RNF111: variants seen among roughly 807,000 people sequenced by gnomAD.
RNF111 encodes ring finger protein 111.
RNF111 carries 17 observed loss-of-function variants against 95.1 expected under a neutral mutation model. The ratio of observed to expected loss-of-function variants is 0.18; its 90% CI spans 0.12 to 0.27. RNF111 has a LOEUF of 0.27. RNF111 is among the 10% of genes least tolerant of loss of function. RNF111 has a pLI of 1.00. For synonymous variants in RNF111, 440 were observed against 414.8 expected (o/e 1.06, Z -0.74); for missense variants, 1,189 against 1,210.4 (o/e 0.98, Z 0.26).
At chr15:59,018,301 C>G (rs576688273) in intron 1 of RNF111, among the ~76,000 whole-genome samples, 1 of 152,124 alleles carries the variant, frequency 6.6e-6, no homozygotes, top group Non-Finnish European at 1.5e-5. Flanking sequence ...ACTGCCATTT[C>G]TGAGTTTCTG....
At chr15:59,018,269 C>G (rs75022364) in intron 1 of RNF111, among the ~76,000 whole-genome samples, 1,772 of 152,228 alleles carry the variant, frequency 0.012, 28 homozygotes, top group African/African-American at 0.041. Context: ...TTTGACAATT[C>G]CATTCAAATC....
chr15:59,073,922 A>G (rs569873563), intron 6 of RNF111, among the ~76,000 whole-genome samples: 1 of 152,344 alleles, frequency 6.6e-6, no homozygotes, highest in South Asian at 2.1e-4. Flanking sequence ...ATGTTGTGTT[A>G]GGTATGAAAA....
At chr15:59,003,518 C>T (rs1168726506) in intron 1 of RNF111, among the ~76,000 whole-genome samples, 1 of 152,150 alleles carries the variant, frequency 6.6e-6, no homozygotes, top group Admixed American at 6.6e-5. Context: ...CCCACCTCAG[C>T]CTCTCCAGTA....
intron 5 of RNF111, among the ~76,000 whole-genome samples, chr15:59,064,998 A>G (rs1383770014): frequency 6.6e-6 from 1 of 151,918 alleles, no homozygotes; most frequent in Admixed American, 6.6e-5. Flanking sequence ...TTTTTATTTT[A>G]TTTGTAAACA....
In RNF111 at chr15:59,076,195, G is replaced by C. The variant is rs377361399; in HGVS notation, c.1928G>C (p.Arg643Pro). ...CCACAGCCCTCTCTCTCATCATGTC[G>C]ACATTACATGCCACCCCCTTGTAAG... ...PPPQPSLSSC[R>P]HYMPPPYASL... Residue 643 changes from arginine (R) to proline (P), a missense_variant, in exon 7 of 14, where the codon CGA becomes CCA. Physicochemically the swap from Arg to Pro is moderately radical, Grantham distance 103. Transcript: ENST00000348370. 47 of 1,613,094 alleles carry C rather than the reference G, an allele frequency of 2.9e-5. No individual in the cohort carries two copies. Among genetic ancestry groups the C allele is most frequent in the Non-Finnish European group, 4.0e-5 (47 of 1,179,982 alleles).
intron 2 of RNF111, among the ~76,000 whole-genome samples, chr15:59,041,959 A>ATTTTTTTT (rs775444330): frequency 9.2e-6 from 1 of 108,460 alleles, no homozygotes; most frequent in Non-Finnish European, 1.8e-5. Context: ...CAGTCTGTTC[A>ATTTTTTTT]TATTTTTTTT....
intron 2 of RNF111, among the ~76,000 whole-genome samples, chr15:59,047,250 C>T (rs1323736890): frequency 6.6e-6 from 1 of 152,196 alleles, no homozygotes; most frequent in African/African-American, 2.4e-5. Context: ...AATCCTAGCA[C>T]TTTGGGAGTC....
chr15:59,019,207 G>A (rs1000124563), intron 1 of RNF111, among the ~76,000 whole-genome samples: 3 of 150,782 alleles, frequency 2.0e-5, no homozygotes, highest in Non-Finnish European at 4.4e-5. Flanking sequence ...ACAAAGTGCT[G>A]GGATTACAGG....
chr15:59,038,742 G>C (rs1254905000), intron 2 of RNF111, among the ~76,000 whole-genome samples: 1 of 152,070 alleles, frequency 6.6e-6, no homozygotes, highest in Non-Finnish European at 1.5e-5. Flanking sequence ...TAAACTGGTA[G>C]GTAGTTGGGT....
Position 59,031,319 on chromosome 15 carries a change from C to G in RNF111, c.497C>G (p.Ser166Cys), listed in dbSNP as rs938653511. The change falls in exon 2 of 14, where the codon TCC becomes TGC. Residue 166 changes from serine to cysteine, a missense_variant. Physicochemically the swap from Ser to Cys is moderately radical, Grantham distance 112. Coordinates refer to ENST00000348370, the MANE Select transcript of RNF111 (RefSeq NM_017610.8). ...GATAAAGAAGTCTCTGTAAGACATT[C>G]CCAGACCATTTTGAATGCTAAAAGT... ...DEDKEVSVRH[S>C]QTILNAKSRS... is the part of the protein sequence containing the mutation. The G allele has an allele frequency of 6.2e-7, 1 of 1,614,016 alleles. No homozygotes were observed. The highest frequency in any genetic ancestry group is 8.5e-7 in the Non-Finnish European group (1 of 1,180,010).
intron 5 of RNF111, among the ~76,000 whole-genome samples, chr15:59,058,884 A>G: frequency 6.6e-6 from 1 of 152,368 alleles, no homozygotes; most frequent in East Asian, 1.9e-4. Context: ...GATATTATCA[A>G]GACAGTGAAA....
In RNF111 at chr15:59,076,141, T is replaced by TGGTTGC; in HGVS notation, c.1876_1881dup (p.Val626_Ala627dup). On this transcript the variant is annotated inframe_insertion, in exon 7 of 14. Transcript: ENST00000348370. The stretch of plus-strand genomic sequence containing the variant: ...TCAATAGATGGCTATGGATCAAGCA[T>TGGTTGC]GGTTGCGCAGCCCCAGCCCCAGCCC... 5 of 1,614,128 alleles carry TGGTTGC rather than the reference T, an allele frequency of 3.1e-6. No individual in the cohort carries two copies. In the South Asian group the frequency reaches 5.5e-5, roughly 18 times the overall value.
At chr15:59,038,288 T>C (rs2041281817) in intron 2 of RNF111, among the ~76,000 whole-genome samples, 1 of 152,210 alleles carries the variant, frequency 6.6e-6, no homozygotes, top group Non-Finnish European at 1.5e-5. Flanking sequence ...TTTTACCTTA[T>C]ATTAGGCTTT....
At chr15:59,068,500 G>C (rs1320950689) in intron 6 of RNF111, among the ~76,000 whole-genome samples, 1 of 152,066 alleles carries the variant, frequency 6.6e-6, no homozygotes, top group African/African-American at 2.4e-5. Flanking sequence ...CAGCTACTCG[G>C]GAGGCTGAGG....
intron 10 of RNF111, among the ~76,000 whole-genome samples, chr15:59,088,374 T>C (rs1220610229): frequency 6.6e-6 from 1 of 152,214 alleles, no homozygotes; most frequent in Non-Finnish European, 1.5e-5. Context: ...TCTTTGAAGA[T>C]GTTTAGGAGG....
chr15:59,031,853 T>TA (rs2040925786), intron 2 of RNF111, 151 bp downstream of exon 2: 3 of 712,566 alleles, frequency 4.2e-6, no homozygotes, highest in African/African-American at 3.6e-5. Flanking sequence ...ATTGCAGTAT[T>TA]AAACCATGAC....
At chr15:59,055,400 A>T (rs2042161399) in intron 3 of RNF111, among the ~76,000 whole-genome samples, 1 of 152,172 alleles carries the variant, frequency 6.6e-6, no homozygotes, top group South Asian at 2.1e-4. Flanking sequence ...TAAATAGTTT[A>T]TTATAACCTG....
chr15:59,035,103 C>G (rs1217877897), intron 2 of RNF111, among the ~76,000 whole-genome samples: 3 of 152,130 alleles, frequency 2.0e-5, no homozygotes, highest in Non-Finnish European at 4.4e-5. Flanking sequence ...AGGGGAACTC[C>G]CATTTATAAA....
Position 59,055,687 on chromosome 15 carries a change from G to C in RNF111, c.1013G>C (p.Arg338Pro). 6.2e-7 allele frequency: 1 copy of C among 1,605,568 alleles called. No individual in the cohort carries two copies. The highest frequency in any genetic ancestry group is 1.1e-5 in the South Asian group (1 of 89,480). The change falls in exon 4 of 14, where the codon CGT becomes CCT. Residue 338 changes from arginine (R) to proline (P), a missense_variant. By Grantham distance (103) the Arg-to-Pro change is moderately radical. Around this residue, in one of 2 missense-constraint regions of RNF111, gnomAD observed 1,024 missense variants for 925.9 expected, o/e 1.11. Transcript: ENST00000348370. ...TAATATTGATGTCATTTAAGGTCTC[G>C]TTCAACCCTTGGACACTCCAGATCT... ...IVTVGESYRS[R>P]STLGHSRSHW...
Sources: gnomAD v4.1 joint callset for allele counts (sites outside exome capture counted in the v4.1 genomes callset) on GRCh38, gnomAD v4.1.1 for gene constraint, gnomAD v4.1.1 regional missense constraint, MANE v1.5 for transcripts, NCBI Gene and HGNC (gene_info 2026-07-23, HGNC 2026-07-21) for gene names.